The following PTPRG variants were observed in gnomAD, a reference collection of about 807,000 sequenced individuals.
PTPRG encodes protein tyrosine phosphatase receptor type G.
A neutral mutation model predicts 165.3 loss-of-function variants in PTPRG; 102 were observed. The ratio of observed to expected loss-of-function variants is 0.62; its 90% CI spans 0.53 to 0.73. The LOEUF (loss-of-function observed/expected upper bound fraction) is 0.73, where lower values mean the gene tolerates loss of function less well. PTPRG is among the 30% of genes least tolerant of loss of function. PTPRG has a pLI of 0.00. For synonymous variants in PTPRG, 675 were observed against 669.5 expected, an observed-to-expected ratio of 1.01 and a Z score of -0.13; for missense variants, 1,866 against 1,861.4, an observed-to-expected ratio of 1.00 and a Z score of -0.05.
rs114246734 is a variant in PTPRG at position 62,188,203 on chromosome 3, G to A, written c.1034-3266G>A. Among the ~76,000 whole-genome samples the A allele has an allele frequency of 9.4e-3, 1,423 of 151,938 alleles. 9 individuals carry two copies. The highest frequency in any genetic ancestry group is 0.027 in the Middle Eastern group (8 of 292). ...AGCATGGGCAACATAGTGAAACCCCGTCTCTATTTTAAAAATTTAAAATTA... is the reference window on the plus strand; with the variant it reads ...AGCATGGGCAACATAGTGAAACCCCATCTCTATTTTAAAAATTTAAAATTA... On this transcript the variant is annotated intron_variant, in intron 8 of 29. Transcript: ENST00000474889.
At chr3:61,866,505 G>A (rs199652171) in intron 2 of PTPRG, among the ~76,000 whole-genome samples, 1 of 151,784 alleles carries the variant, frequency 6.6e-6, no homozygotes, top group African/African-American at 2.4e-5. Context: ...TAGGATGTGG[G>A]GGAGAGAGGT....
chr3:61,869,357 A>G (rs2037496100), intron 2 of PTPRG, among the ~76,000 whole-genome samples: 1 of 152,220 alleles, frequency 6.6e-6, no homozygotes, highest in Non-Finnish European at 1.5e-5. Flanking sequence ...CTGTGTGCAG[A>G]TCTTTGTGAG....
intron 1 of PTPRG, among the ~76,000 whole-genome samples, chr3:61,638,348 G>A (rs1701972912): frequency 6.6e-6 from 1 of 151,758 alleles, no homozygotes; most frequent in African/African-American, 2.4e-5. Context: ...TTTAAGTAAT[G>A]TGTAGACCCC....
chr3:61,798,427 C>T (rs1340581427), intron 2 of PTPRG, among the ~76,000 whole-genome samples: 1 of 152,152 alleles, frequency 6.6e-6, no homozygotes, highest in African/African-American at 2.4e-5. Context: ...ACAGTAATAT[C>T]AGGCATGAAA....
chr3:61,608,061 T>C (rs1312112987), intron 1 of PTPRG, among the ~76,000 whole-genome samples: 1 of 152,192 alleles, frequency 6.6e-6, no homozygotes, highest in Non-Finnish European at 1.5e-5. Context: ...CTGAAATAAT[T>C]GTCTTTTGGC....
chr3:62,271,534 G>A lies in PTPRG; in HGVS notation c.3161G>A (p.Gly1054Asp). The stretch of plus-strand genomic sequence containing the variant: ...TCAGCAGCTCGGATGCCAGAAACGG[G>A]CCCTGTGTTGGTGCACTGCAGGTAG... Reference protein sequence around the residue: ...RSSAARMPETGPVLVHCSAGV... With the variant: ...RSSAARMPETDPVLVHCSAGV... Residue 1054 changes from glycine (G) to aspartate (D), a missense_variant, in exon 21 of 30, where the codon GGC (glycine) becomes GAC (aspartate). Coordinates refer to ENST00000474889, the MANE Select transcript of PTPRG (RefSeq NM_002841.4). This position sits in a 1 kb window ranked among gnomAD's most constrained non-coding sequence, Gnocchi z 4.1. 11 of 1,613,514 alleles carry A rather than the reference G, an allele frequency of 6.8e-6. No individual in the cohort carries two copies. The highest frequency in any genetic ancestry group is 9.3e-6 in the Non-Finnish European group (11 of 1,179,650).
intron 1 of PTPRG, among the ~76,000 whole-genome samples, chr3:61,727,833 C>T (rs572618212): frequency 2.0e-4 from 30 of 152,284 alleles, no homozygotes; most frequent in South Asian, 4.1e-4. Context: ...ACTGAAATTT[C>T]GGAGAATTTT....
At chr3:61,773,533 T>C (rs777140010) in intron 2 of PTPRG, among the ~76,000 whole-genome samples, 17 of 152,318 alleles carry the variant, frequency 1.1e-4, no homozygotes, top group Non-Finnish European at 2.2e-4. Context: ...AATAATGTAT[T>C]GAGCATTTCT....
chr3:62,210,945 G>A lies in PTPRG; in HGVS notation c.2155+6995G>A, dbSNP rs1423817927. ...TTTTGGAGACTCAAAAGTTATACAT[G>A]AATTTCTGACTATTCAGGGATTAGC... On this transcript the variant is annotated intron_variant, in intron 12 of 29. Coordinates refer to ENST00000474889, the MANE Select transcript of PTPRG (RefSeq NM_002841.4). This position sits in a 1 kb window ranked among gnomAD's most constrained non-coding sequence, Gnocchi z 4.1. 6.6e-6 allele frequency among the ~76,000 whole-genome samples: 1 copy of A among 152,152 alleles called. No homozygotes were observed. The highest frequency in any genetic ancestry group is 1.5e-5 in the Non-Finnish European group (1 of 68,034).
At chr3:62,197,706 C>G (rs760737333) in intron 10 of PTPRG, among the ~76,000 whole-genome samples, 9 of 152,222 alleles carry the variant, frequency 5.9e-5, no homozygotes, top group African/African-American at 9.6e-5. Flanking sequence ...ATCTGCAGAA[C>G]TGCCTTACCT....
Position 62,213,856 on chromosome 3 carries a change from T to C in PTPRG, c.2156-4995T>C, listed in dbSNP as rs930264953. On this transcript the variant is annotated intron_variant, in intron 12 of 29. Transcript: ENST00000474889. The surrounding 1 kb of genome is among the most constrained non-coding windows in gnomAD (Gnocchi z 4.4). Reference sequence around the variant, plus strand: ...CTTGCTGTTTTATTAGGGCCACAAATTGAGTCAGGGAGCAGGACGGGTATT... The same window carrying C: ...CTTGCTGTTTTATTAGGGCCACAAACTGAGTCAGGGAGCAGGACGGGTATT... Among the ~76,000 whole-genome samples the C allele has an allele frequency of 2.6e-5, 4 of 152,032 alleles. No individual in the cohort carries two copies. The highest frequency in any genetic ancestry group is 9.7e-5 in the African/African-American group (4 of 41,382).
At chr3:61,961,207 A>G (rs909404363) in intron 2 of PTPRG, among the ~76,000 whole-genome samples, 2 of 152,174 alleles carry the variant, frequency 1.3e-5, no homozygotes, top group Non-Finnish European at 2.9e-5. Context: ...GGGTGTGACT[A>G]ATACCCACAA....
At chr3:61,896,986 A>T (rs2038371419) in intron 2 of PTPRG, among the ~76,000 whole-genome samples, 1 of 150,056 alleles carries the variant, frequency 6.7e-6, no homozygotes, top group African/African-American at 2.5e-5. Flanking sequence ...TCCTTTGTTG[A>T]ATTTGTGGTG....
intron 2 of PTPRG, among the ~76,000 whole-genome samples, chr3:61,937,592 T>A (rs1313180803): frequency 6.6e-6 from 1 of 152,250 alleles, no homozygotes; most frequent in Non-Finnish European, 1.5e-5. Flanking sequence ...TGAAGGCAGC[T>A]GAAGCCATCA....
In PTPRG at chr3:62,294,732, T is replaced by TAAAA. The variant is rs1348380054; in HGVS notation, c.*1425_*1426insAAAA. 1 of 152,128 alleles carries TAAAA rather than the reference T, an allele frequency of 6.6e-6. No individual in the cohort carries two copies. The highest frequency in any genetic ancestry group is 2.4e-5 in the African/African-American group (1 of 41,424). 9.4% of individuals were successfully genotyped at this position (152,128 alleles called of 1,614,324 possible). A position where few individuals can be genotyped will look rare whatever the true frequency, so the allele number is the denominator to read the frequency against. On this transcript the variant is annotated 3_prime_UTR_variant, in exon 30 of 30. Transcript: ENST00000474889. ...TGTTTCTTCTATTGCATGTTTGCTT[T>TAAAA]TGAGGGACAGCTTCTGTCAAAAGTG...
chr3:62,170,469 A>G (rs111571771), intron 8 of PTPRG, among the ~76,000 whole-genome samples: 5 of 152,274 alleles, frequency 3.3e-5, no homozygotes, highest in African/African-American at 9.6e-5. Context: ...TGGGCCAAGC[A>G]TATGATATAT....
chr3:61,903,709 A>C (rs2038562617), intron 2 of PTPRG, among the ~76,000 whole-genome samples: 1 of 152,176 alleles, frequency 6.6e-6, no homozygotes, highest in African/African-American at 2.4e-5. Context: ...AGCCCACTTA[A>C]CAGTAATTAC....
chr3:61,722,881 C>T (rs1297013553), intron 1 of PTPRG, among the ~76,000 whole-genome samples: 1 of 151,736 alleles, frequency 6.6e-6, no homozygotes, highest in Admixed American at 6.6e-5. Context: ...TATAAAGGTG[C>T]CAACTGATGT....
chr3:62,172,088 G>A (rs9853409), intron 8 of PTPRG, among the ~76,000 whole-genome samples: 30,657 of 152,088 alleles, frequency 0.2, 3,248 homozygotes, highest in East Asian at 0.36. Context: ...ATTATATTTT[G>A]TGGCCAAGTA....
Sources: gnomAD v4.1 joint callset for allele counts (sites outside exome capture counted in the v4.1 genomes callset) on GRCh38, gnomAD v4.1.1 for gene constraint, Gnocchi (gnomAD v3.1) non-coding constraint, MANE v1.5 for transcripts, NCBI Gene and HGNC (gene_info 2026-07-23, HGNC 2026-07-21) for gene names.